The following NCF4 variants were observed in gnomAD, a reference collection of about 807,000 sequenced individuals.
NCF4 encodes neutrophil cytosol factor 4.
A neutral mutation model predicts 41.7 loss-of-function variants in NCF4; 30 were observed. The observed-to-expected ratio is 0.72, with a 90% CI of 0.54 to 0.97. The LOEUF (loss-of-function observed/expected upper bound fraction) is 0.97. Among genes scored for constraint, NCF4 ranks in the 50% least tolerant of loss-of-function variants. The probability of loss-of-function intolerance (pLI) is 0.00; values close to 1 mark genes in which losing one functional copy is unlikely to be tolerated. For synonymous variants in NCF4, 195 were observed against 175.8 expected, an observed-to-expected ratio of 1.11 and a Z score of -0.87; for missense variants, 432 against 460.9, an observed-to-expected ratio of 0.94 and a Z score of 0.57.
At chr22:36,869,254 G>C (rs1429569992) in intron 4 of NCF4, among the ~76,000 whole-genome samples, 1 of 152,152 alleles carries the variant, frequency 6.6e-6, no homozygotes, top group Non-Finnish European at 1.5e-5. Flanking sequence ...ATCTAACTTT[G>C]ATGGGCACCT....
Position 36,872,142 on chromosome 22 carries a change from A to T in NCF4, c.529-185A>T, listed in dbSNP as rs1469894196. On this transcript the variant is annotated intron_variant, in intron 6 of 9. Transcript: ENST00000248899. Reference sequence around the variant, plus strand: ...TGGAAGGAGCACCCATCCTGGAGTCAGGGAGACCTGGGTTCAATTCCCAGC... The same window carrying T: ...TGGAAGGAGCACCCATCCTGGAGTCTGGGAGACCTGGGTTCAATTCCCAGC... 4 of 716,998 alleles carry T rather than the reference A, an allele frequency of 5.6e-6. No homozygotes were observed. The Admixed American group carries it at 8.0e-5, about 14-fold the overall frequency. 44.4% of individuals were successfully genotyped at this position (716,998 alleles called of 1,614,324 possible).
chr22:36,861,539 T>TTTCC (rs1344073599), intron 1 of NCF4, among the ~76,000 whole-genome samples: 7 of 152,196 alleles, frequency 4.6e-5, no homozygotes, highest in African/African-American at 1.7e-4. Context: ...CAGCAATGAC[T>TTTCC]TTCCATCTTC....
At position 36,877,616 on chromosome 22, in the gene NCF4, T is replaced by C; in HGVS notation, c.825-12T>C. The C allele has an allele frequency of 6.2e-7, 1 of 1,614,112 alleles. No individual in the cohort carries two copies. Among genetic ancestry groups the C allele is most frequent in the Non-Finnish European group, 8.5e-7 (1 of 1,180,002 alleles). On this transcript the variant is annotated splice_polypyrimidine_tract_variant and intron_variant, in intron 9 of 9. Transcript: ENST00000248899. ...TTAGGCCCTTTGATTATCCCTGACTTTTCCCATGCAGGCGGGAGTTCCAGA... is the reference window on the plus strand; with the variant it reads ...TTAGGCCCTTTGATTATCCCTGACTCTTCCCATGCAGGCGGGAGTTCCAGA...
chr22:36,876,635 A>G (rs1940199838), intron 9 of NCF4, among the ~76,000 whole-genome samples: 1 of 152,284 alleles, frequency 6.6e-6, no homozygotes. Context: ...ACATGCACAC[A>G]CAAAAGTCAC....
intron 2 of NCF4, 36 bp from the exon 3 acceptor site, chr22:36,864,883 C>G (rs770112511): frequency 1.2e-6 from 2 of 1,613,542 alleles, no homozygotes; most frequent in African/African-American, 2.7e-5. Context: ...GTGCTCCTGG[C>G]CCCTGAGCCC....
Position 36,862,829 on chromosome 22 carries a change from G to A in NCF4, c.33-1216G>A, listed in dbSNP as rs117051284. On this transcript the variant is annotated intron_variant, in intron 1 of 9. Coordinates refer to ENST00000248899, the MANE Select transcript of NCF4 (RefSeq NM_000631.5). Reference sequence around the variant, plus strand: ...GGGCTGCCTTAGGGGTGGCAAGTTCGGTTCCAACAGACATGTTTTGAGCAC... The same window carrying A: ...GGGCTGCCTTAGGGGTGGCAAGTTCAGTTCCAACAGACATGTTTTGAGCAC... 2.9e-3 allele frequency among the ~76,000 whole-genome samples: 438 copies of A among 152,294 alleles called. 1 individual carries two copies. Among genetic ancestry groups the A allele is most frequent in the Admixed American group, 4.2e-3 (64 of 15,308 alleles).
intron 5 of NCF4, among the ~76,000 whole-genome samples, chr22:36,870,978 A>G (rs2145717451): frequency 6.6e-6 from 1 of 152,318 alleles, no homozygotes; most frequent in East Asian, 1.9e-4. Flanking sequence ...GCTGGCCTCC[A>G]GAGCACACTG....
In NCF4 at chr22:36,877,813, C is replaced by A. The variant is rs147550660; in HGVS notation, c.1010C>A (p.Thr337Lys). The A allele has an allele frequency of 5.6e-6, 9 of 1,613,540 alleles. No individual in the cohort carries two copies. The South Asian group carries it at 8.8e-5, about 16-fold the overall frequency. Reference protein sequence around the residue: ...TQKDNYRVYNTMP With the variant: ...TQKDNYRVYNKMP ...AAGGACAACTACAGGGTCTACAACA[C>A]GATGCCATGAGCTGACGGTGTCCCT... Residue 337 changes from threonine to lysine, a missense_variant, in exon 10 of 10, where the codon ACG (threonine) becomes AAG (lysine). Thr to Lys is a moderately conservative substitution (Grantham distance 78). Coordinates refer to ENST00000248899, the MANE Select transcript of NCF4 (RefSeq NM_000631.5).
Position 36,877,654 on chromosome 22 carries a change from C to T in NCF4, c.851C>T (p.Ala284Val). The change falls in exon 10 of 10, where the codon GCT (alanine) becomes GTT (valine). Residue 284 changes from alanine (A) to valine (V), a missense_variant. Coordinates refer to ENST00000248899, the MANE Select transcript of NCF4 (RefSeq NM_000631.5). ...CGGGAGTTCCAGAGAGAGGACATAG[C>T]TCTGAATTACCGGGACGCTGAGGGG... is the stretch of plus-strand genomic sequence containing the variant. ...TRREFQREDI[A>V]LNYRDAEGDL... 1.9e-6 allele frequency: 3 copies of T among 1,614,178 alleles called. No individual in the cohort carries two copies. The highest frequency in any genetic ancestry group is 1.6e-4 in the Middle Eastern group (1 of 6,062).
At chr22:36,862,128 T>C (rs1184652044) in intron 1 of NCF4, among the ~76,000 whole-genome samples, 2 of 152,206 alleles carry the variant, frequency 1.3e-5, no homozygotes, top group Non-Finnish European at 2.9e-5. Context: ...GCGGGGGCCC[T>C]GAGGACGCAA....
intron 7 of NCF4, among the ~76,000 whole-genome samples, chr22:36,874,946 G>A (rs1290560572): frequency 6.6e-6 from 1 of 152,170 alleles, no homozygotes; most frequent in Non-Finnish European, 1.5e-5. Flanking sequence ...TCACTGGATA[G>A]GTCATTGTTC....
chr22:36,864,832 C>A, intron 2 of NCF4, 87 bp from the exon 3 acceptor site: 1 of 1,516,390 alleles, frequency 6.6e-7, no homozygotes, highest in Non-Finnish European at 9.1e-7. Flanking sequence ...CATCTTCCTC[C>A]TCCTCCTCCT....
In NCF4 at chr22:36,865,198, A is replaced by T; in HGVS notation, c.271+126A>T. On this transcript the variant is annotated intron_variant, in intron 3 of 9. Transcript: ENST00000248899. The surrounding 1 kb of genome is among the most constrained non-coding windows in gnomAD (Gnocchi z 4.3). Reference sequence around the variant, plus strand: ...ACTGTTCATGTAGTTTATAGCCCCCACTCCCGGCAGTTACAGGCTGCCAAG... The same window carrying T: ...ACTGTTCATGTAGTTTATAGCCCCCTCTCCCGGCAGTTACAGGCTGCCAAG... 2 of 1,390,784 alleles carry T rather than the reference A, an allele frequency of 1.4e-6. No homozygotes were observed. The highest frequency in any genetic ancestry group is 2.0e-6 in the Non-Finnish European group (2 of 1,016,588). The allele number at this position is 1,390,784 out of a possible 1,614,324, so 86.2% of individuals were successfully genotyped here.
chr22:36,872,645 GAGTGGA>G (rs1940091342), intron 7 of NCF4, among the ~76,000 whole-genome samples: 1 of 35,022 alleles, frequency 2.9e-5, no homozygotes, highest in Non-Finnish European at 9.2e-5. Flanking sequence ...GTGGAGGTAA[GAGTGGA>G]GATGAGATTG....
Position 36,871,645 on chromosome 22 carries a change from T to A in NCF4, c.471-7T>A. 1.3e-6 allele frequency: 2 copies of A among 1,563,910 alleles called. No homozygotes were observed. The highest frequency in any genetic ancestry group is 1.7e-6 in the Non-Finnish European group (2 of 1,153,258). On this transcript the variant is annotated splice_polypyrimidine_tract_variant and splice_region_variant and intron_variant, in intron 5 of 9. Transcript: ENST00000248899. ...AGGGCTAACAAGCCCCTCTTCTCTC[T>A]CCACAGCAAGAGCGTGTCCCCACAG...
intron 6 of NCF4, chr22:36,872,038 C>T: frequency 3.0e-6 from 2 of 668,236 alleles, no homozygotes; most frequent in African/African-American, 1.8e-5. Context: ...GCCCAGCCCA[C>T]GATGAAGCCT....
intron 1 of NCF4, among the ~76,000 whole-genome samples, chr22:36,863,485 C>T (rs1939835145): frequency 7.1e-6 from 1 of 140,238 alleles, no homozygotes; most frequent in Non-Finnish European, 1.6e-5. Context: ...ACTCGAGGTC[C>T]CTCTGCGAGG....
At chr22:36,875,571 C>G in intron 7 of NCF4, 82 bp from the exon 8 acceptor site, 1 of 1,340,388 alleles carries the variant, frequency 7.5e-7, no homozygotes, top group Non-Finnish European at 1.1e-6. Flanking sequence ...TTCCCCATCA[C>G]TAGAACGGGG....
At chr22:36,872,112 A>G (rs938269784) in intron 6 of NCF4, 6 of 710,178 alleles carry the variant, frequency 8.4e-6, no homozygotes, top group African/African-American at 5.3e-5. Context: ...CACCCCCACC[A>G]GGTTTGGAAG....
Sources: allele counts gnomAD v4.1 joint callset (sites outside exome capture counted in the v4.1 genomes callset), GRCh38; gene constraint gnomAD v4.1.1; non-coding constraint Gnocchi (gnomAD v3.1); transcripts MANE v1.5; gene names NCBI Gene and HGNC (gene_info 2026-07-23, HGNC 2026-07-21).